Variants in ST3GAL3 observed in about 807,000 individuals in gnomAD.
The protein encoded by ST3GAL3 is CMP-N-acetylneuraminate-beta-1,4-galactoside alpha-2,3-sialyltransferase.
In ST3GAL3, 21 loss-of-function variants were observed where a neutral mutation model predicts 50.1. The ratio of observed to expected loss-of-function variants is 0.42; its 90% confidence interval spans 0.30 to 0.60. The LOEUF is 0.60. Among genes scored for constraint, ST3GAL3 ranks in the 20% least tolerant of loss-of-function variants. The probability of loss-of-function intolerance (pLI) is 0.19; values close to 1 mark genes in which losing one functional copy is unlikely to be tolerated. For missense variants in ST3GAL3, 353 were observed against 489.4 expected (o/e 0.72, Z 2.63); for synonymous variants, 183 against 190.0 (o/e 0.96, Z 0.30).
In ST3GAL3 at chr1:43,930,383, T is replaced by A. The variant is rs1355177857; in HGVS notation, c.*162T>A. 1 of 718,384 alleles carries A rather than the reference T, an allele frequency of 1.4e-6. No homozygotes were observed. Among genetic ancestry groups the A allele is most frequent in the African/African-American group, 1.7e-5 (1 of 57,420 alleles). 44.5% of individuals were successfully genotyped at this position (718,384 alleles called of 1,614,324 possible). A position where few individuals can be genotyped will look rare whatever the true frequency, so the allele number is the denominator to read the frequency against. ...AGAGCTGTGCCTGCTCAGCAGCCAG[T>A]CTCAGAGACCAGCACTCAGCCTCAT... On this transcript the variant is annotated 3_prime_UTR_variant, in exon 12 of 12. Transcript: ENST00000347631.
chr1:43,878,448 G>A (rs2074496029), intron 5 of ST3GAL3, among the ~76,000 whole-genome samples: 1 of 152,240 alleles, frequency 6.6e-6, no homozygotes, highest in Non-Finnish European at 1.5e-5. Flanking sequence ...ATAGGATGGT[G>A]AGGGTTGGCC....
chr1:43,814,461 T>A (rs920879572), intron 3 of ST3GAL3, among the ~76,000 whole-genome samples: 1 of 152,212 alleles, frequency 6.6e-6, no homozygotes, highest in African/African-American at 2.4e-5. Flanking sequence ...TGGCATGGAT[T>A]TGGGGACCCG....
At chr1:43,756,100 C>CAAAAAAAAAA (rs139101819) in intron 2 of ST3GAL3, among the ~76,000 whole-genome samples, 6 of 72,054 alleles carry the variant, frequency 8.3e-5, no homozygotes, top group African/African-American at 4.4e-4. Flanking sequence ...GAACCAGTCT[C>CAAAAAAAAAA]AAAAAAAAAA....
At chr1:43,817,451 C>T (rs188185539) in intron 4 of ST3GAL3, among the ~76,000 whole-genome samples, 44 of 137,008 alleles carry the variant, frequency 3.2e-4, no homozygotes, top group Admixed American at 6.8e-4. Flanking sequence ...TCTCCTTCTT[C>T]TTTCTTCTTT....
At chr1:43,831,802 GT>G (rs1410324062) in intron 4 of ST3GAL3, 1 of 152,178 alleles carries the variant, frequency 6.6e-6, no homozygotes, top group Non-Finnish European at 1.5e-5. Flanking sequence ...ATGGTAATTT[GT>G]TTTCTGGTCA....
intron 6 of ST3GAL3, among the ~76,000 whole-genome samples, chr1:43,894,816 G>A (rs2077162394): frequency 6.6e-6 from 1 of 151,842 alleles, no homozygotes; most frequent in African/African-American, 2.4e-5. Flanking sequence ...CGTATTTTTA[G>A]TAGAGACAGG....
intron 2 of ST3GAL3, among the ~76,000 whole-genome samples, chr1:43,762,727 A>AAT (rs1691009136): frequency 6.6e-6 from 1 of 152,266 alleles, no homozygotes; most frequent in Admixed American, 6.5e-5. Flanking sequence ...AACTGGAAGC[A>AAT]TAAAACCCAG....
intron 11 of ST3GAL3, among the ~76,000 whole-genome samples, chr1:43,925,332 T>C (rs562448969): frequency 3.3e-4 from 46 of 140,894 alleles, no homozygotes; most frequent in African/African-American, 1.0e-3. Flanking sequence ...TCTCAAATCA[T>C]AAAAGATGAC....
At chr1:43,727,679 C>G (rs1409559439) in intron 1 of ST3GAL3, among the ~76,000 whole-genome samples, 1 of 152,178 alleles carries the variant, frequency 6.6e-6, no homozygotes, top group South Asian at 2.1e-4. Flanking sequence ...TATTCCTCAT[C>G]TTTTCTTCTT....
At chr1:43,826,393 T>C (rs1359310836) in intron 4 of ST3GAL3, among the ~76,000 whole-genome samples, 1 of 152,202 alleles carries the variant, frequency 6.6e-6, no homozygotes, top group Non-Finnish European at 1.5e-5. Context: ...AAAGACCATC[T>C]GAATAAATCT....
intron 5 of ST3GAL3, chr1:43,879,065 G>A (rs762662419): frequency 3.3e-5 from 15 of 456,090 alleles, no homozygotes; most frequent in Middle Eastern, 3.2e-4. Context: ...GAATGACTGC[G>A]GCAGGAAACC....
intron 1 of ST3GAL3, chr1:43,709,464 G>A (rs912015110): frequency 1.3e-5 from 2 of 151,810 alleles, no homozygotes; most frequent in Admixed American, 1.3e-4. Flanking sequence ...GCTCTCTGCA[G>A]CCTTGACTTT....
At chr1:43,921,554 G>A (rs1196879224) in intron 11 of ST3GAL3, 3 of 399,812 alleles carry the variant, frequency 7.5e-6, no homozygotes, top group African/African-American at 6.2e-5. Context: ...TCTTGGGCCA[G>A]TTCTTCAACA....
In ST3GAL3 at chr1:43,860,513, A is replaced by G. The variant is rs375463184; in HGVS notation, c.302+22202A>G. Among the ~76,000 whole-genome samples the G allele has an allele frequency of 7.9e-5, 12 of 152,360 alleles. No individual in the cohort carries two copies. The East Asian group carries it at 1.9e-3, about 24-fold the overall frequency. Reference sequence around the variant, plus strand: ...GCGTGGCCAAGGAAAGCTGTTGGCAAAGGCACAGCTGCATGTAGAGTGAGG... The same window carrying G: ...GCGTGGCCAAGGAAAGCTGTTGGCAGAGGCACAGCTGCATGTAGAGTGAGG... On this transcript the variant is annotated intron_variant, in intron 5 of 11. Transcript: ENST00000347631.
rs909285173 is a variant in ST3GAL3 at position 43,744,905 on chromosome 1, C to T, written c.118+8525C>T. ...ACTTGGGAGGCTGAGGCCTGAGAAT[C>T]GCTTGAACTCGGGAGACAGAGGTTG... On this transcript the variant is annotated intron_variant, in intron 2 of 11. Transcript: ENST00000347631. Among the ~76,000 whole-genome samples, 5 of 151,654 alleles carry T rather than the reference C, an allele frequency of 3.3e-5. No individual in the cohort carries two copies. The East Asian group carries it at 5.9e-4, about 18-fold the overall frequency.
At position 43,767,848 on chromosome 1, in the gene ST3GAL3, A is replaced by C. The variant is rs188339023; in HGVS notation, c.119-24254A>C. Among the ~76,000 whole-genome samples, 437 of 152,146 alleles carry C rather than the reference A, an allele frequency of 2.9e-3. 2 individuals are homozygous for C. Among genetic ancestry groups the C allele is most frequent in the African/African-American group, 9.7e-3 (404 of 41,546 alleles). The stretch of plus-strand genomic sequence containing the variant: ...TTAAAAAAAAAAAAAGAAAATATCA[A>C]AACTTGTCAAAACTTGTATGATGCT... On this transcript the variant is annotated intron_variant, in intron 2 of 11. Transcript: ENST00000347631.
intron 2 of ST3GAL3, chr1:43,739,345 G>C (rs1041627417): frequency 2.0e-5 from 3 of 152,000 alleles, no homozygotes; most frequent in Admixed American, 6.6e-5. Context: ...CCAAGTAGCT[G>C]GGACTACAGG....
At chr1:43,713,546 GA>G in intron 1 of ST3GAL3, among the ~76,000 whole-genome samples, 1 of 88,348 alleles carries the variant, frequency 1.1e-5, no homozygotes, top group East Asian at 4.5e-4. Context: ...TTTTTTTTGA[GA>G]AAAGTACTCA....
chr1:43,888,774 G>T (rs755286345), intron 5 of ST3GAL3, among the ~76,000 whole-genome samples: 2 of 151,994 alleles, frequency 1.3e-5, no homozygotes, highest in Non-Finnish European at 2.9e-5. Flanking sequence ...GTGTACTCTT[G>T]GTGATGTTGC....
Sources: allele counts gnomAD v4.1 joint callset (sites outside exome capture counted in the v4.1 genomes callset), GRCh38; gene constraint gnomAD v4.1.1; transcripts MANE v1.5; gene names NCBI Gene and HGNC (gene_info 2026-07-23, HGNC 2026-07-21).